Variants in RHOU observed in about 807,000 individuals in gnomAD.
RHOU encodes ras homolog family member U.
A neutral mutation model predicts 12.6 loss-of-function variants in RHOU; 8 were observed. The ratio of observed to expected loss-of-function variants is 0.64; its 90% CI spans 0.37 to 1.15. The LOEUF (loss-of-function observed/expected upper bound fraction) is 1.15. RHOU is among the 50% of genes most tolerant of loss of function. The pLI is 0.01. For missense variants in RHOU, 258 were observed against 347.0 expected (o/e 0.74, Z 2.04); for synonymous variants, 161 against 147.4 (o/e 1.09, Z -0.67).
the RHOU span, among the ~76,000 whole-genome samples, chr1:228,647,114 A>T: frequency 1.8e-4 from 28 of 152,276 alleles, no homozygotes; most frequent in African/African-American, 6.5e-4. Flanking sequence ...CCCCCTTTTG[A>T]GCAGTCCGGA....
chr1:228,721,022 G>A, the RHOU span, among the ~76,000 whole-genome samples: 3 of 152,048 alleles, frequency 2.0e-5, no homozygotes, highest in African/African-American at 7.2e-5. Context: ...TTATCGCCTT[G>A]GGGGCACGGT....
chr1:228,652,800 G>A, the RHOU span, among the ~76,000 whole-genome samples: 2 of 151,926 alleles, frequency 1.3e-5, no homozygotes, highest in Admixed American at 1.3e-4. Flanking sequence ...AATACTGATG[G>A]CTCTTTACTT....
chr1:228,721,948 C>T, the RHOU span, among the ~76,000 whole-genome samples: 27 of 152,302 alleles, frequency 1.8e-4, no homozygotes, highest in South Asian at 4.6e-3. Context: ...CCACCACACC[C>T]GGCCTTTGTT....
chr1:228,742,708 T>G (rs774249424), intron 2 of RHOU, among the ~76,000 whole-genome samples: 9 of 152,210 alleles, frequency 5.9e-5, no homozygotes, highest in Non-Finnish European at 1.0e-4. Flanking sequence ...TGAGTCTGAT[T>G]AGCATTACTC....
At chr1:228,679,505 G>A in the RHOU span, among the ~76,000 whole-genome samples, 1 of 151,700 alleles carries the variant, frequency 6.6e-6, no homozygotes, top group African/African-American at 2.4e-5. Context: ...AGGTATTGAG[G>A]ATAGGAGAAT....
chr1:228,711,132 A>C, the RHOU span, among the ~76,000 whole-genome samples: 23,787 of 146,936 alleles, frequency 0.16, 2,455 homozygotes, highest in African/African-American at 0.3. Flanking sequence ...AGGAGAACTA[A>C]AAACCACTGC....
the RHOU span, among the ~76,000 whole-genome samples, chr1:228,657,507 G>A: frequency 2.0e-5 from 3 of 152,112 alleles, no homozygotes; most frequent in African/African-American, 4.8e-5. Context: ...TACGCACCTA[G>A]TAACAGACCA....
chr1:228,712,667 G>A, the RHOU span, among the ~76,000 whole-genome samples: 1 of 111,902 alleles, frequency 8.9e-6, no homozygotes, highest in Non-Finnish European at 1.7e-5. Context: ...TTGTAGGGTG[G>A]GGGGAGGGGG....
At chr1:228,740,377 C>T (rs1050985528) in intron 2 of RHOU, among the ~76,000 whole-genome samples, 1 of 152,156 alleles carries the variant, frequency 6.6e-6, no homozygotes, top group Non-Finnish European at 1.5e-5. Context: ...AGACCACTAT[C>T]TAAAAATTTG....
chr1:228,676,772 AGG>A, the RHOU span, among the ~76,000 whole-genome samples: 1 of 152,124 alleles, frequency 6.6e-6, no homozygotes, highest in Non-Finnish European at 1.5e-5. Flanking sequence ...TACATTCTCA[AGG>A]GTGGGGAGAA....
At position 228,739,128 on chromosome 1, in the gene RHOU, T is replaced by TA. The variant is rs199783196; in HGVS notation, c.321+1406dup. Among the ~76,000 whole-genome samples, 913 of 150,356 alleles carry TA rather than the reference T, an allele frequency of 6.1e-3. 11 individuals carry two copies. The highest frequency in any genetic ancestry group is 0.02 in the African/African-American group (799 of 40,888). On this transcript the variant is annotated intron_variant, in intron 2 of 2. Coordinates refer to ENST00000366691, the MANE Select transcript of RHOU (RefSeq NM_021205.6). ...AGAGCAAGATCCCATCTCTTGGGGG[T>TA]AAAAAAAAAGAAAAATCAAAGAATA... is the stretch of plus-strand genomic sequence containing the variant.
At chr1:228,675,746 T>C in the RHOU span, among the ~76,000 whole-genome samples, 1 of 152,220 alleles carries the variant, frequency 6.6e-6, no homozygotes, top group African/African-American at 2.4e-5. Context: ...CTATTGGATT[T>C]CATATTGGTA....
intron 1 of RHOU, among the ~76,000 whole-genome samples, chr1:228,736,517 A>G (rs888477705): frequency 3.9e-5 from 6 of 152,016 alleles, no homozygotes; most frequent in Non-Finnish European, 8.8e-5. Context: ...CCGGGAAAAC[A>G]CTTGATTTAG....
chr1:228,716,134 T>C, the RHOU span, among the ~76,000 whole-genome samples: 1 of 152,096 alleles, frequency 6.6e-6, no homozygotes, highest in Non-Finnish European at 1.5e-5. Flanking sequence ...CCCAGGGTGG[T>C]CTTGAACTCC....
chr1:228,646,460 C>T, the RHOU span, among the ~76,000 whole-genome samples: 1 of 67,038 alleles, frequency 1.5e-5, no homozygotes, highest in Non-Finnish European at 2.9e-5. Flanking sequence ...TCCTGCGAGG[C>T]CCCCTCTTGC....
chr1:228,725,392 C>T, the RHOU span, among the ~76,000 whole-genome samples: 5 of 151,758 alleles, frequency 3.3e-5, no homozygotes, highest in Admixed American at 1.3e-4. Context: ...CACGGATGGC[C>T]GTGTGGATGC....
the RHOU span, among the ~76,000 whole-genome samples, chr1:228,647,207 T>C: frequency 4.6e-5 from 7 of 151,566 alleles, no homozygotes; most frequent in Admixed American, 6.6e-5. Context: ...CTGAGACGGG[T>C]TTTTTCTTGG....
chr1:228,722,443 A>G, the RHOU span, among the ~76,000 whole-genome samples: 4 of 152,130 alleles, frequency 2.6e-5, no homozygotes, highest in South Asian at 8.3e-4. Context: ...TTGGAACTCC[A>G]GAGTTGTACG....
At chr1:228,705,931 G>A in the RHOU span, among the ~76,000 whole-genome samples, 1 of 152,224 alleles carries the variant, frequency 6.6e-6, no homozygotes, top group South Asian at 2.1e-4. Context: ...TGTAATGCCA[G>A]CTACTCAGGA....
Sources: allele counts gnomAD v4.1 joint callset (sites outside exome capture counted in the v4.1 genomes callset), GRCh38; gene constraint gnomAD v4.1.1; transcripts MANE v1.5; gene names NCBI Gene and HGNC (gene_info 2026-07-23, HGNC 2026-07-21).